STX8: variants seen among roughly 807,000 people sequenced by gnomAD.
STX8 encodes syntaxin-8.
A neutral mutation model predicts 37.5 loss-of-function variants in STX8; 23 were observed. That is an observed-to-expected ratio of 0.61 (90% CI 0.44 to 0.87). STX8 has a LOEUF of 0.87. STX8 is among the 40% of genes least tolerant of loss of function. The pLI, the probability that STX8 is intolerant of heterozygous loss-of-function variation, is 0.00. For missense variants in STX8, 313 were observed against 284.7 expected (o/e 1.10, Z -0.71); for synonymous variants, 115 against 99.1 (o/e 1.16, Z -0.95).
rs534261522 is a variant in STX8 at position 9,419,870 on chromosome 17, A to G, written c.542-41217T>C. 3.9e-5 allele frequency among the ~76,000 whole-genome samples: 6 copies of G among 152,358 alleles called. No individual in the cohort carries two copies. The East Asian group carries it at 1.2e-3, about 29-fold the overall frequency. On this transcript the variant is annotated intron_variant, in intron 6 of 7. Transcript: ENST00000306357. ...AAGATTCACGGAAACTTCAGAGGAA[A>G]TAGGAAATTATCTGTGTAGAAACCT...
At chr17:9,299,278 G>C (rs970415611) in intron 7 of STX8, among the ~76,000 whole-genome samples, 1 of 151,916 alleles carries the variant, frequency 6.6e-6, no homozygotes, top group Non-Finnish European at 1.5e-5. Flanking sequence ...GTGCAAATGT[G>C]GTCACATGGT....
At chr17:9,394,066 G>T (rs2142308075) in intron 6 of STX8, among the ~76,000 whole-genome samples, 1 of 152,216 alleles carries the variant, frequency 6.6e-6, no homozygotes, top group African/African-American at 2.4e-5. Context: ...AGAACAAGAG[G>T]AGGAAAAACA....
chr17:9,428,881 A>C (rs1037573091), intron 6 of STX8, among the ~76,000 whole-genome samples: 1 of 152,172 alleles, frequency 6.6e-6, no homozygotes, highest in Non-Finnish European at 1.5e-5. Flanking sequence ...ACTATAGTGG[A>C]CAACACCGGT....
At chr17:9,508,701 T>G (rs1904928236) in intron 4 of STX8, among the ~76,000 whole-genome samples, 1 of 152,144 alleles carries the variant, frequency 6.6e-6, no homozygotes, top group Non-Finnish European at 1.5e-5. Context: ...TAAAATGGAA[T>G]GAAGAAAGCC....
intron 2 of STX8, among the ~76,000 whole-genome samples, chr17:9,559,770 T>A (rs1359985101): frequency 4.6e-5 from 4 of 87,234 alleles, no homozygotes; most frequent in African/African-American, 1.8e-4. Context: ...ATTTTTTTTT[T>A]TTTTTTTTTT....
chr17:9,479,104 T>C (rs1906211790), intron 6 of STX8, among the ~76,000 whole-genome samples: 1 of 152,208 alleles, frequency 6.6e-6, no homozygotes, highest in Non-Finnish European at 1.5e-5. Context: ...TGGTACTTGG[T>C]AAACACCTGT....
At chr17:9,262,130 A>T (rs1907059848) in intron 7 of STX8, among the ~76,000 whole-genome samples, 1 of 152,236 alleles carries the variant, frequency 6.6e-6, no homozygotes, top group South Asian at 2.1e-4. Context: ...TTGTCAATAC[A>T]CCAAATGCTT....
chr17:9,353,834 T>G (rs989530360), intron 7 of STX8, among the ~76,000 whole-genome samples: 3 of 152,176 alleles, frequency 2.0e-5, no homozygotes, highest in African/African-American at 7.2e-5. Context: ...TTTCTCAAGA[T>G]ATAACAGAAC....
At chr17:9,274,503 T>C (rs1286635155) in intron 7 of STX8, among the ~76,000 whole-genome samples, 2 of 151,334 alleles carry the variant, frequency 1.3e-5, no homozygotes, top group East Asian at 3.9e-4. Context: ...GGTGAGACCC[T>C]GTCTCTACTA....
chr17:9,467,091 A>C (rs1905649763), intron 6 of STX8: 1 of 152,096 alleles, frequency 6.6e-6, no homozygotes, highest in Non-Finnish European at 1.5e-5. Context: ...GGGTTACACC[A>C]TGTTGGCCAG....
chr17:9,318,026 C>T (rs138493094), intron 7 of STX8, among the ~76,000 whole-genome samples: 5 of 152,310 alleles, frequency 3.3e-5, no homozygotes, highest in African/African-American at 9.6e-5. Context: ...CATATGAACT[C>T]GCTCTGAAGA....
intron 5 of STX8, among the ~76,000 whole-genome samples, chr17:9,500,042 G>A (rs139727475): frequency 4.6e-5 from 7 of 152,340 alleles, no homozygotes; most frequent in African/African-American, 9.6e-5. Flanking sequence ...CCTGAAGAGC[G>A]AATGGTTGTG....
chr17:9,551,974 A>AG lies in STX8; in HGVS notation c.212+5459_212+5460insC, dbSNP rs1906781899. On this transcript the variant is annotated intron_variant, in intron 3 of 7. Coordinates refer to ENST00000306357, the MANE Select transcript of STX8 (RefSeq NM_004853.3). Reference sequence around the variant, plus strand: ...TTCAAGAAAAAAAAAAAGAAACAAAACTATCTACTTTTACTATCATGGTGA... The same window carrying AG: ...TTCAAGAAAAAAAAAAAGAAACAAAAGCTATCTACTTTTACTATCATGGTGA... Among the ~76,000 whole-genome samples the AG allele has an allele frequency of 2.0e-5, 3 of 152,152 alleles. No individual in the cohort carries two copies. The South Asian group carries it at 6.2e-4, about 31-fold the overall frequency.
chr17:9,251,334 C>A (rs1906568641), intron 7 of STX8, among the ~76,000 whole-genome samples: 1 of 152,168 alleles, frequency 6.6e-6, no homozygotes, highest in South Asian at 2.1e-4. Context: ...TGAAGTGGGC[C>A]CCACAGAATG....
intron 7 of STX8, among the ~76,000 whole-genome samples, chr17:9,324,384 C>T (rs115771596): frequency 0.012 from 1,836 of 152,074 alleles, 34 homozygotes; most frequent in African/African-American, 0.037. Context: ...GAGAACATGG[C>T]GCACATTCCA....
intron 3 of STX8, chr17:9,556,772 T>TACATAC: frequency 1.2e-5 from 1 of 82,944 alleles, no homozygotes; most frequent in Non-Finnish European, 2.4e-5. Context: ...TATATATATA[T>TACATAC]ATATATATAT....
At chr17:9,348,794 C>G (rs1002945289) in intron 7 of STX8, among the ~76,000 whole-genome samples, 5 of 152,154 alleles carry the variant, frequency 3.3e-5, no homozygotes, top group African/African-American at 1.2e-4. Context: ...GGAGCTTATG[C>G]AAGCTTAATA....
chr17:9,485,038 C>T lies in STX8; in HGVS notation c.541+6791G>A, dbSNP rs535160581. On this transcript the variant is annotated intron_variant, in intron 6 of 7. Transcript: ENST00000306357. ...GTATGATGGCACATGCCTGTGGTCCCGGCTACTGAGGAGGCTGAAGCAGGA... is the reference window on the plus strand; with the variant it reads ...GTATGATGGCACATGCCTGTGGTCCTGGCTACTGAGGAGGCTGAAGCAGGA... Among the ~76,000 whole-genome samples the T allele has an allele frequency of 1.4e-4, 22 of 152,210 alleles. 1 individual carries two copies. The highest frequency in any genetic ancestry group is 2.0e-4 in the Admixed American group (3 of 15,298).
intron 7 of STX8, among the ~76,000 whole-genome samples, chr17:9,320,291 C>T (rs1328008852): frequency 2.0e-5 from 3 of 150,054 alleles, no homozygotes; most frequent in African/African-American, 7.4e-5. Flanking sequence ...CAAGATGGCA[C>T]CACTGCACTC....
Sources: allele counts gnomAD v4.1 joint callset (sites outside exome capture counted in the v4.1 genomes callset), GRCh38; gene constraint gnomAD v4.1.1; transcripts MANE v1.5; gene names NCBI Gene and HGNC (gene_info 2026-07-23, HGNC 2026-07-21).